INTS4: variants seen among roughly 807,000 people sequenced by gnomAD.
The protein encoded by INTS4 is MSTP093.
A neutral mutation model predicts 119.5 loss-of-function variants in INTS4; 70 were observed. That is an observed-to-expected ratio of 0.59 (90% CI 0.48 to 0.71). INTS4 has a LOEUF of 0.71. INTS4 is among the 30% of genes least tolerant of loss of function. The pLI, the probability that INTS4 is intolerant of heterozygous loss-of-function variation, is 0.00. For synonymous variants in INTS4, 316 were observed against 419.6 expected (o/e 0.75, Z 3.02); for missense variants, 867 against 1,173.2 (o/e 0.74, Z 3.81).
In INTS4 at chr11:77,901,434, G is replaced by A. The variant is rs767253348; in HGVS notation, c.2215C>T (p.Arg739Ter). 13 of 1,613,676 alleles carry A rather than the reference G, an allele frequency of 8.1e-6. No individual in the cohort carries two copies. The highest frequency in any genetic ancestry group is 2.2e-5 in the East Asian group (1 of 44,884). ...AKALQLIVTA[R>*]TTRGLDPLFG... ...CCCACATCTTACCCTCGTGTAGTTC[G>A]TGCTGTTACTATAAGTTGCAAAGCT... The change falls in exon 18 of 23, where the codon CGA becomes TGA. Residue 739 changes from arginine to a stop codon, truncating the protein, a stop_gained. Transcript: ENST00000534064. LOFTEE classifies it high-confidence loss of function.
In INTS4 at chr11:77,962,915, TG is replaced by T. The variant is rs1855297865; in HGVS notation, c.472-1778del. 3.9e-5 allele frequency among the ~76,000 whole-genome samples: 6 copies of T among 152,196 alleles called. No homozygotes were observed. In the South Asian group the frequency reaches 1.2e-3, roughly 32 times the overall value. On this transcript the variant is annotated intron_variant, in intron 4 of 22. Transcript: ENST00000534064. The stretch of plus-strand genomic sequence containing the variant: ...CTGTAATCCCAGCTACTCGGGAGGC[TG>T]AGGCCAGAGAATTGCTTGAACCCAG...
intron 4 of INTS4, among the ~76,000 whole-genome samples, chr11:77,974,531 G>A (rs1855870794): frequency 6.7e-6 from 1 of 149,542 alleles, no homozygotes; most frequent in African/African-American, 2.5e-5. Flanking sequence ...GTGAGCCACT[G>A]CACCCAGCCT....
chr11:77,881,071 T>C (rs936592367), intron 22 of INTS4, among the ~76,000 whole-genome samples: 3 of 152,052 alleles, frequency 2.0e-5, no homozygotes, highest in Admixed American at 6.6e-5. Context: ...GGCAATGCCA[T>C]AGGAGTAAAG....
chr11:77,917,864 G>C (rs530793536), intron 15 of INTS4, among the ~76,000 whole-genome samples: 1 of 151,558 alleles, frequency 6.6e-6, no homozygotes, highest in African/African-American at 2.4e-5. Flanking sequence ...TAGAGTCATC[G>C]CATGTAAACC....
intron 15 of INTS4, among the ~76,000 whole-genome samples, chr11:77,910,747 CT>C (rs1481232065): frequency 2.0e-5 from 3 of 151,882 alleles, no homozygotes; most frequent in African/African-American, 7.3e-5. Flanking sequence ...CCCTGTATAC[CT>C]TCCCAGAGGC....
Position 77,883,943 on chromosome 11 carries a change from G to A in INTS4, c.2602C>T (p.Pro868Ser), listed in dbSNP as rs776779375. The change falls in exon 22 of 23, where the codon CCA (proline) becomes TCA (serine). Residue 868 changes from proline to serine, a missense_variant. Around this residue, in one of 5 missense-constraint regions of INTS4, gnomAD observed 122 missense variants for 133.2 expected, o/e 0.92. Transcript: ENST00000534064. ...TGAATCATCTGAGCCTGGCCATCTG[G>A]ATATAAGACCTAAAGGGTGACAGAA... Reference protein sequence around the residue: ...QNTVKVQVLYPDGQAQMIHPK... With the variant: ...QNTVKVQVLYSDGQAQMIHPK... 1 of 1,613,016 alleles carries A rather than the reference G, an allele frequency of 6.2e-7. No homozygotes were observed. Among genetic ancestry groups the A allele is most frequent in the South Asian group, 1.1e-5 (1 of 90,882 alleles).
chr11:77,978,838 G>C (rs1384203639), intron 4 of INTS4, 158 bp downstream of exon 4: 1 of 493,020 alleles, frequency 2.0e-6, no homozygotes, highest in Non-Finnish European at 3.8e-6. Flanking sequence ...TGTTTTGAAA[G>C]GATGACGAAA....
intron 8 of INTS4, among the ~76,000 whole-genome samples, chr11:77,943,291 G>A (rs1953972551): frequency 6.6e-6 from 1 of 152,120 alleles, no homozygotes. Flanking sequence ...CTAAGAATAG[G>A]TGAAGCTTTC....
At chr11:77,910,881 C>T (rs1672579684) in intron 15 of INTS4, 1 of 572,436 alleles carries the variant, frequency 1.7e-6, no homozygotes, top group African/African-American at 1.9e-5. Context: ...TTGTGTATTA[C>T]CTAACCATCT....
intron 18 of INTS4, among the ~76,000 whole-genome samples, chr11:77,898,624 C>A (rs1236300596): frequency 6.6e-6 from 1 of 152,168 alleles, no homozygotes; most frequent in East Asian, 1.9e-4. Context: ...TCAATATGTT[C>A]ATTAAAAATA....
intron 2 of INTS4, among the ~76,000 whole-genome samples, chr11:77,985,793 C>A (rs1289099615): frequency 6.6e-6 from 1 of 152,160 alleles, no homozygotes; most frequent in East Asian, 1.9e-4. Context: ...CTGCCGACTA[C>A]ACTGCTAGCC....
At chr11:77,990,463 A>C (rs1344593502) in intron 2 of INTS4, among the ~76,000 whole-genome samples, 1 of 152,046 alleles carries the variant, frequency 6.6e-6, no homozygotes, top group African/African-American at 2.4e-5. Flanking sequence ...AGGTGGCTGC[A>C]TCACTTAAAG....
intron 10 of INTS4, among the ~76,000 whole-genome samples, chr11:77,936,895 C>T (rs1953806902): frequency 6.6e-6 from 1 of 152,070 alleles, no homozygotes; most frequent in African/African-American, 2.4e-5. Context: ...ATAATAGTGG[C>T]TGGGTATGGT....
chr11:77,926,467 G>A lies in INTS4; in HGVS notation c.1372-1575C>T, dbSNP rs148227554. Among the ~76,000 whole-genome samples the A allele has an allele frequency of 4.5e-3, 684 of 152,102 alleles. 9 individuals carry two copies. Among genetic ancestry groups the A allele is most frequent in the African/African-American group, 0.015 (632 of 41,482 alleles). On this transcript the variant is annotated intron_variant, in intron 11 of 22. Transcript: ENST00000534064. ...CTCAGCTACTCAGCAAACACTTACC[G>A]AGCACCTAATTGTGCCAGACACTGC...
At chr11:77,931,676 C>G (rs1591071369) in intron 10 of INTS4, among the ~76,000 whole-genome samples, 2 of 152,252 alleles carry the variant, frequency 1.3e-5, no homozygotes, top group Non-Finnish European at 2.9e-5. Flanking sequence ...CTCATGCTAC[C>G]TGACTTCAAA....
At chr11:77,983,096 T>C (rs1195940126) in intron 2 of INTS4, among the ~76,000 whole-genome samples, 2 of 152,200 alleles carry the variant, frequency 1.3e-5, no homozygotes, top group African/African-American at 4.8e-5. Flanking sequence ...AACAGCTGTA[T>C]GTCTTAAACA....
chr11:77,959,949 G>A (rs964012521), intron 6 of INTS4, among the ~76,000 whole-genome samples: 15 of 151,796 alleles, frequency 9.9e-5, no homozygotes, highest in East Asian at 7.8e-4. Context: ...ATGATCCTAC[G>A]GTCTTGGTCA....
intron 16 of INTS4, among the ~76,000 whole-genome samples, chr11:77,906,166 G>C: frequency 6.6e-6 from 1 of 152,034 alleles, no homozygotes. Context: ...TGATGTTCTG[G>C]ACTATCTTTT....
chr11:77,935,457 T>C (rs1323149258), intron 10 of INTS4, among the ~76,000 whole-genome samples: 1 of 152,142 alleles, frequency 6.6e-6, no homozygotes, highest in African/African-American at 2.4e-5. Context: ...GCTTGGGAGA[T>C]CTGCAGATGG....
Sources: gnomAD v4.1 joint callset for allele counts (sites outside exome capture counted in the v4.1 genomes callset) on GRCh38, gnomAD v4.1.1 for gene constraint, gnomAD v4.1.1 regional missense constraint, MANE v1.5 for transcripts, NCBI Gene and HGNC (gene_info 2026-07-23, HGNC 2026-07-21) for gene names.